RUNX1T1: variants seen among roughly 807,000 people sequenced by gnomAD.
RUNX1T1 encodes the protein protein CBFA2T1.
A neutral mutation model predicts 62.8 loss-of-function variants in RUNX1T1; 4 were observed. The observed-to-expected ratio is 0.06, with a 90% CI of 0.03 to 0.15. The LOEUF (loss-of-function observed/expected upper bound fraction) is 0.15. Among genes scored for constraint, RUNX1T1 ranks in the 10% least tolerant of loss-of-function variants. The pLI, the probability that RUNX1T1 is intolerant of heterozygous loss-of-function variation, is 1.00. For missense variants in RUNX1T1, 508 were observed against 754.3 expected (o/e 0.67, Z 3.82); for synonymous variants, 291 against 286.0 (o/e 1.02, Z -0.18).
chr8:91,992,021 C>G (rs1817775661), intron 5 of RUNX1T1, 132 bp from the exon 7 acceptor site: 1 of 948,174 alleles, frequency 1.1e-6, no homozygotes, highest in African/African-American at 1.7e-5. Context: ...ACTCAGCTTC[C>G]CAGAAAACAT....
At chr8:92,025,900 T>C (rs1464758029) in intron 1 of RUNX1T1, among the ~76,000 whole-genome samples, 4 of 152,208 alleles carry the variant, frequency 2.6e-5, no homozygotes, top group Non-Finnish European at 5.9e-5. Context: ...CAACTCTCAG[T>C]AACCACATAT....
chr8:92,000,178 G>A (rs1007555754), intron 5 of RUNX1T1, among the ~76,000 whole-genome samples: 1 of 151,944 alleles, frequency 6.6e-6, no homozygotes, highest in Non-Finnish European at 1.5e-5. Flanking sequence ...ATGGTGGCAG[G>A]CATCTGATAC....
At chr8:92,076,069 T>A (rs1834374974) in exon 2 of RUNX1T1, 1 of 1,607,668 alleles carries the variant, frequency 6.2e-7, no homozygotes, top group South Asian at 1.1e-5. Flanking sequence ...CCAATCGCTC[T>A]GCTAATTTCC....
intron 1 of RUNX1T1, among the ~76,000 whole-genome samples, chr8:92,029,721 T>C (rs1398873608): frequency 1.3e-5 from 2 of 152,178 alleles, no homozygotes; most frequent in Admixed American, 6.5e-5. Context: ...ATCTTCCACT[T>C]GGACTTTACA....
At chr8:92,080,603 C>T (rs935746312) in intron 1 of RUNX1T1, among the ~76,000 whole-genome samples, 15 of 152,216 alleles carry the variant, frequency 9.9e-5, no homozygotes, top group Non-Finnish European at 1.8e-4. Flanking sequence ...GAAATGAGAT[C>T]CAATCTTAAT....
chr8:92,001,058 G>A (rs987367916), intron 5 of RUNX1T1, among the ~76,000 whole-genome samples: 1 of 152,092 alleles, frequency 6.6e-6, no homozygotes, highest in Non-Finnish European at 1.5e-5. Context: ...GGGTGTGGTG[G>A]TGCATACCTG....
rs957114393 is a variant in RUNX1T1, at chr8:92,030,429, T to C, written c.8-13066A>G. 2.0e-5 allele frequency among the ~76,000 whole-genome samples: 3 copies of C among 152,188 alleles called. No homozygotes were observed. The East Asian group carries it at 5.8e-4, about 29-fold the overall frequency. ...CAGTGGATATATAAGAAATTTCCTA[T>C]TTAAAAATATAGATTTGAAGGTACA... On this transcript the variant is annotated intron_variant, in intron 1 of 10. Transcript: ENST00000396218.
At position 91,976,015 on chromosome 8, in the gene RUNX1T1, A is replaced by C. The variant is rs1013262227; in HGVS notation, c.1199-42T>G. ...AAGGGGGTGGAGAGAGGAGGAGAGT[A>C]CTGTAAGCACACTTGTGTCATCGCA... is the stretch of plus-strand genomic sequence containing the variant. On this transcript the variant is annotated intron_variant, in intron 8 of 10. Coordinates refer to ENST00000396218, the Ensembl canonical transcript of RUNX1T1. 4 of 1,363,432 alleles carry C rather than the reference A, an allele frequency of 2.9e-6. No homozygotes were observed. In the African/African-American group the frequency reaches 5.7e-5, roughly 20 times the overall value. The allele number at this position is 1,363,432 out of a possible 1,614,324, so 84.5% of individuals were successfully genotyped here. A position where few individuals can be genotyped will look rare whatever the true frequency, so the allele number is the denominator to read the frequency against.
At chr8:92,007,542 G>A (rs1405875885) in intron 4 of RUNX1T1, among the ~76,000 whole-genome samples, 1 of 151,674 alleles carries the variant, frequency 6.6e-6, no homozygotes, top group Non-Finnish European at 1.5e-5. Context: ...GAGATGCATT[G>A]TTACATGATT....
intron 1 of RUNX1T1, chr8:92,095,359 G>C (rs1249249538): frequency 1.3e-6 from 2 of 1,535,026 alleles, no homozygotes; most frequent in Non-Finnish European, 1.7e-6. Flanking sequence ...TCTGGCAAAG[G>C]AGCGCGGGAG....
At chr8:92,022,252 A>T (rs889040924) in intron 1 of RUNX1T1, among the ~76,000 whole-genome samples, 1 of 152,156 alleles carries the variant, frequency 6.6e-6, no homozygotes, top group African/African-American at 2.4e-5. Flanking sequence ...ATTTCATGGT[A>T]AAAGACAAAC....
At chr8:92,048,218 G>A (rs1829712619) in intron 1 of RUNX1T1, among the ~76,000 whole-genome samples, 1 of 152,092 alleles carries the variant, frequency 6.6e-6, no homozygotes, top group African/African-American at 2.4e-5. Flanking sequence ...AGACGTTTAA[G>A]GACTTCTAGT....
chr8:92,056,094 T>C (rs1830988869), intron 1 of RUNX1T1, among the ~76,000 whole-genome samples: 1 of 152,224 alleles, frequency 6.6e-6, no homozygotes, highest in Non-Finnish European at 1.5e-5. Flanking sequence ...TACTATGTAT[T>C]TTCCTCCTAA....
intron 8 of RUNX1T1, among the ~76,000 whole-genome samples, chr8:91,980,899 T>C (rs1298367925): frequency 6.6e-6 from 1 of 152,090 alleles, no homozygotes; most frequent in East Asian, 1.9e-4. Context: ...CTCAAACTCC[T>C]GGACTCAAGG....
chr8:92,075,014 C>A (rs1212573884), intron 2 of RUNX1T1, among the ~76,000 whole-genome samples: 1 of 152,132 alleles, frequency 6.6e-6, no homozygotes, highest in East Asian at 1.9e-4. Context: ...ACTTTAAGAA[C>A]AAGCCTATAA....
chr8:92,103,057 G>T (rs1808445063), upstream of RUNX1T1: 2 of 540,752 alleles, frequency 3.7e-6, no homozygotes, highest in Middle Eastern at 5.2e-4. Context: ...GACTACGGCC[G>T]CCCGGCGCTG....
At chr8:92,090,718 T>C (rs983118832) in intron 1 of RUNX1T1, among the ~76,000 whole-genome samples, 1 of 152,128 alleles carries the variant, frequency 6.6e-6, no homozygotes, top group Admixed American at 6.5e-5. Context: ...GAGAATAAGG[T>C]CCTAAATAAT....
At chr8:91,960,373 C>T in exon 11 of RUNX1T1, 3 of 1,614,124 alleles carry the variant, frequency 1.9e-6, no homozygotes, top group Non-Finnish European at 1.7e-6. Flanking sequence ...GCAGGTGTGT[C>T]TCCCTGCTGC....
At chr8:92,017,645 G>C (rs1823276695) in intron 1 of RUNX1T1, 1 of 1,287,646 alleles carries the variant, frequency 7.8e-7, no homozygotes, top group Non-Finnish European at 9.9e-7. Context: ...ATATGCAGCA[G>C]CACAACTGCA....
Sources: gnomAD v4.1 joint callset for allele counts (sites outside exome capture counted in the v4.1 genomes callset) on GRCh38, gnomAD v4.1.1 for gene constraint, MANE v1.5 for transcripts, NCBI Gene and HGNC (gene_info 2026-07-23, HGNC 2026-07-21) for gene names.